The following SQLE variants were observed in gnomAD, a reference collection of about 807,000 sequenced individuals.
SQLE encodes the protein squalene epoxidase.
In SQLE, 29 loss-of-function variants were observed where a neutral mutation model predicts 60.7. The ratio of observed to expected loss-of-function variants is 0.48; its 90% CI spans 0.36 to 0.65. The LOEUF is 0.65. SQLE is among the 30% of genes least tolerant of loss of function. The pLI is 0.00. For missense variants in SQLE, 605 were observed against 684.1 expected, an observed-to-expected ratio of 0.88 and a Z score of 1.29; for synonymous variants, 237 against 246.8, an observed-to-expected ratio of 0.96 and a Z score of 0.37.
intron 4 of SQLE, among the ~76,000 whole-genome samples, chr8:125,008,712 T>G (rs1005596289): frequency 6.6e-6 from 1 of 152,170 alleles, no homozygotes; most frequent in Non-Finnish European, 1.5e-5. Flanking sequence ...TCTGTCAAAG[T>G]GGAGAGTAAT....
chr8:125,015,914 T>G (rs578250617), intron 7 of SQLE, among the ~76,000 whole-genome samples: 1 of 145,348 alleles, frequency 6.9e-6, no homozygotes, highest in Non-Finnish European at 1.5e-5. Flanking sequence ...ACTTTCAGTG[T>G]GTCTTGCCCC....
Position 125,007,437 on chromosome 8 carries a change from G to A in SQLE, c.772G>A (p.Asp258Asn). Reference protein sequence around the residue: ...GVVLQLLEEDDVVMGVQYKDK... With the variant: ...GVVLQLLEEDNVVMGVQYKDK... ...TGTGTTACAGTTATTAGAGGAAGAT[G>A]ATGTTGTGATGGGAGTTCAGTACAA... Residue 258 changes from aspartate (D) to asparagine (N), a missense_variant, in exon 4 of 11, where the codon GAT (aspartate) becomes AAT (asparagine). Physicochemically the swap from Asp to Asn is conservative, Grantham distance 23 (BLOSUM62 1). Coordinates refer to ENST00000265896, the MANE Select transcript of SQLE (RefSeq NM_003129.4). The A allele has an allele frequency of 3.9e-6, 6 of 1,556,724 alleles. No homozygotes were observed. The highest frequency in any genetic ancestry group is 5.2e-6 in the Non-Finnish European group (6 of 1,149,340).
rs1815000624 is a variant in SQLE at position 125,009,039 on chromosome 8, C to T, written c.891C>T (p.Ser297=). The T allele has an allele frequency of 6.2e-7, 1 of 1,603,530 alleles. No individual in the cohort carries two copies. Among genetic ancestry groups the T allele is most frequent in the Non-Finnish European group, 8.5e-7 (1 of 1,175,952 alleles). The change falls in exon 5 of 11, where the codon TCC becomes TCT. Residue 297 remains serine (S), a synonymous_variant. Transcript: ENST00000265896. ...CCAAGTTCAGGAAAAGCCTGGTCTCCAATAAAGTTTCTGTATCATCTCATT... is the reference window on the plus strand; with the variant it reads ...CCAAGTTCAGGAAAAGCCTGGTCTCTAATAAAGTTTCTGTATCATCTCATT... The part of the protein sequence containing the change: ...LFSKFRKSLV[S]NKVSVSSHFV...
In SQLE at chr8:125,005,575, G is replaced by A; in HGVS notation, c.595G>A (p.Asp199Asn). Residue 199 changes from aspartate to asparagine, a missense_variant, in exon 3 of 11, where the codon GAT becomes AAT. Transcript: ENST00000265896. ...GGTTGTAAATGGTTACATGATTCAT[G>A]ATCAGGAAAGCAAATCAGAGGTTCA... is the stretch of plus-strand genomic sequence containing the variant. The part of the protein sequence containing the change: ...AQVVNGYMIH[D>N]QESKSEVQIP... The A allele has an allele frequency of 1.2e-6, 2 of 1,611,690 alleles. No homozygotes were observed. Among genetic ancestry groups the A allele is most frequent in the Non-Finnish European group, 1.7e-6 (2 of 1,178,452 alleles).
Position 125,016,319 on chromosome 8 carries a change from T to C in SQLE, c.1205-1740T>C, listed in dbSNP as rs1057386312. Among the ~76,000 whole-genome samples the C allele has an allele frequency of 1.3e-5, 2 of 152,172 alleles. No individual in the cohort carries two copies. The highest frequency in any genetic ancestry group is 2.9e-5 in the Non-Finnish European group (2 of 68,036). ...ATTCTTTTTTCTTTTGTCTCCTCTG[T>C]GTATTTTCAAATAGCCTGTTTTCAA... On this transcript the variant is annotated intron_variant, in intron 7 of 10. Transcript: ENST00000265896. The surrounding 1 kb of genome is among the most constrained non-coding windows in gnomAD (Gnocchi z 4.1).
At position 124,998,621 on chromosome 8, in the gene SQLE, G is replaced by A. The variant is rs545500887; in HGVS notation, c.-783G>A. 8.2e-5 allele frequency: 56 copies of A among 683,854 alleles called. No individual in the cohort carries two copies. In the African/African-American group the frequency reaches 9.5e-4, roughly 12 times the overall value. The allele number at this position is 683,854 out of a possible 1,614,324, so 42.4% of individuals were successfully genotyped here. A position where few individuals can be genotyped will look rare whatever the true frequency, so the allele number is the denominator to read the frequency against. ...AGGGATGCTGGTGAGGAAGCCGTCGGGAGCCGCCGCCGCCATCTGAGGGAG... is the reference window on the plus strand; with the variant it reads ...AGGGATGCTGGTGAGGAAGCCGTCGAGAGCCGCCGCCGCCATCTGAGGGAG... On this transcript the variant is annotated 5_prime_UTR_variant, in exon 1 of 11. Coordinates refer to ENST00000265896, the MANE Select transcript of SQLE (RefSeq NM_003129.4).
chr8:125,020,669 A>G (rs1298805545), intron 9 of SQLE, 115 bp from the exon 10 acceptor site: 8 of 656,140 alleles, frequency 1.2e-5, no homozygotes, highest in Non-Finnish European at 1.6e-5. Flanking sequence ...AGGACTAGAT[A>G]TTTAAAAATT....
In SQLE at chr8:124,999,493, G is replaced by T. The variant is rs528628772; in HGVS notation, c.90G>T (p.Leu30Phe). 2 of 1,603,934 alleles carry T rather than the reference G, an allele frequency of 1.2e-6. No individual in the cohort carries two copies. The highest frequency in any genetic ancestry group is 2.7e-5 in the African/African-American group (2 of 74,372). The change falls in exon 1 of 11, where the codon TTG becomes TTT. Residue 30 changes from leucine to phenylalanine, a missense_variant. Physicochemically the swap from Leu to Phe is conservative, Grantham distance 22. Transcript: ENST00000265896. The stretch of plus-strand genomic sequence containing the variant: ...CTTTGGCCAACAGGGAGGTCCTGTT[G>T]TGCGTGCTGGTGTTCCTCTCGCTGG... ...FITLANREVLLCVLVFLSLGL... is the reference protein window; with the variant it reads ...FITLANREVLFCVLVFLSLGL...
chr8:125,014,833 A>G (rs184704003), intron 7 of SQLE, among the ~76,000 whole-genome samples: 14 of 152,280 alleles, frequency 9.2e-5, no homozygotes, highest in African/African-American at 3.4e-4. Flanking sequence ...TGGCCTACCC[A>G]TGATCTATCC....
At chr8:125,007,021 C>G (rs1350235267) in intron 3 of SQLE, among the ~76,000 whole-genome samples, 1 of 152,154 alleles carries the variant, frequency 6.6e-6, no homozygotes, top group Non-Finnish European at 1.5e-5. Context: ...TTACTCTTAA[C>G]AGTTTGCAGG....
intron 9 of SQLE, among the ~76,000 whole-genome samples, chr8:125,019,469 C>T (rs1374288810): frequency 1.7e-5 from 2 of 117,490 alleles, no homozygotes; most frequent in African/African-American, 8.7e-5. Flanking sequence ...CCTGTAGTCC[C>T]AGCTATTTGG....
At chr8:125,012,048 G>A (rs1815047085) in intron 7 of SQLE, among the ~76,000 whole-genome samples, 1 of 151,776 alleles carries the variant, frequency 6.6e-6, no homozygotes, top group East Asian at 1.9e-4. Context: ...CCTGGAGGAT[G>A]AGTGGGAGTT....
At chr8:125,003,676 T>C (rs1814901115) in intron 2 of SQLE, among the ~76,000 whole-genome samples, 1 of 152,098 alleles carries the variant, frequency 6.6e-6, no homozygotes, top group Non-Finnish European at 1.5e-5. Flanking sequence ...TGGTCAAAAT[T>C]AAGGACTGGA....
chr8:125,019,662 A>G (rs1438692928), intron 9 of SQLE, among the ~76,000 whole-genome samples: 1 of 152,260 alleles, frequency 6.6e-6, no homozygotes, highest in Non-Finnish European at 1.5e-5. Context: ...TCAGTTTAAT[A>G]GTAGGTTAAT....
intron 9 of SQLE, among the ~76,000 whole-genome samples, chr8:125,020,277 G>A (rs1419495740): frequency 5.9e-5 from 9 of 152,122 alleles, no homozygotes; most frequent in Non-Finnish European, 1.3e-4. Flanking sequence ...GGTTAAAAAG[G>A]TTATCAATTG....
At chr8:125,006,551 G>A (rs1390896299) in intron 3 of SQLE, among the ~76,000 whole-genome samples, 1 of 150,352 alleles carries the variant, frequency 6.7e-6, no homozygotes, top group African/African-American at 2.4e-5. Flanking sequence ...AACCCAGGAG[G>A]TGGAGGTTGC....
At chr8:125,015,321 C>A (rs951575890) in intron 7 of SQLE, among the ~76,000 whole-genome samples, 3 of 152,020 alleles carry the variant, frequency 2.0e-5, no homozygotes, top group Admixed American at 6.6e-5. Flanking sequence ...GGCAGCAGAT[C>A]GTTGGTTCTT....
Position 124,999,497 on chromosome 8 carries a change from G to T in SQLE, c.94G>T (p.Val32Leu), listed in dbSNP as rs766462696. Residue 32 changes from valine (V) to leucine (L), a missense_variant, in exon 1 of 11, where the codon GTG becomes TTG. Physicochemically the swap from Val to Leu is conservative, Grantham distance 32 (BLOSUM62 1). Transcript: ENST00000265896. The stretch of plus-strand genomic sequence containing the variant: ...GGCCAACAGGGAGGTCCTGTTGTGC[G>T]TGCTGGTGTTCCTCTCGCTGGGCCT... ...TLANREVLLC[V>L]LVFLSLGLVL... 1.9e-6 allele frequency: 3 copies of T among 1,607,000 alleles called. No homozygotes were observed. The South Asian group carries it at 3.3e-5, about 18-fold the overall frequency.
intron 10 of SQLE, among the ~76,000 whole-genome samples, chr8:125,021,243 A>G (rs1815199177): frequency 6.6e-6 from 1 of 152,218 alleles, no homozygotes. Context: ...TTTTGAGCGT[A>G]CAGACATATG....
Sources: gnomAD v4.1 joint callset for allele counts (sites outside exome capture counted in the v4.1 genomes callset) on GRCh38, gnomAD v4.1.1 for gene constraint, Gnocchi (gnomAD v3.1) non-coding constraint, MANE v1.5 for transcripts, NCBI Gene and HGNC (gene_info 2026-07-23, HGNC 2026-07-21) for gene names.